The following PCNX1 variants were observed in gnomAD, a reference collection of about 807,000 sequenced individuals.
The protein encoded by PCNX1 is pecanex-like protein 1.
Under a neutral mutation model 242.2 loss-of-function variants are expected in PCNX1, and 78 were observed. The observed-to-expected ratio is 0.32, with a 90% CI of 0.27 to 0.39. The LOEUF (loss-of-function observed/expected upper bound fraction) is 0.39. PCNX1 is among the 10% of genes least tolerant of loss of function. The pLI, the probability that PCNX1 is intolerant of heterozygous loss-of-function variation, is 1.00. For missense variants in PCNX1, 2,581 were observed against 2,856.5 expected (o/e 0.90, Z 2.20); for synonymous variants, 1,024 against 1,032.9 (o/e 0.99, Z 0.17).
At position 71,046,044 on chromosome 14, in the gene PCNX1, C is replaced by CT. The variant is rs1032029916; in HGVS notation, c.4018+770dup. Among the ~76,000 whole-genome samples, 7 of 151,330 alleles carry CT rather than the reference C, an allele frequency of 4.6e-5. No individual in the cohort carries two copies. The East Asian group carries it at 9.7e-4, about 21-fold the overall frequency. ...TAAATAAGCCAACTTTTTTCTCACA[C>CT]TTTTTTTTTCAGTTAGCTAATTACT... On this transcript the variant is annotated intron_variant, in intron 20 of 35. Coordinates refer to ENST00000304743, the MANE Select transcript of PCNX1 (RefSeq NM_014982.3).
At chr14:71,048,284 T>G (rs1193014633) in intron 22 of PCNX1, among the ~76,000 whole-genome samples, 4 of 152,162 alleles carry the variant, frequency 2.6e-5, no homozygotes, top group Non-Finnish European at 5.9e-5. Flanking sequence ...TTGAATAATT[T>G]TAGAAACAGA....
chr14:71,071,422 A>G (rs1392728781), intron 26 of PCNX1, among the ~76,000 whole-genome samples: 3 of 152,128 alleles, frequency 2.0e-5, no homozygotes, highest in Non-Finnish European at 2.9e-5. Context: ...CTCATGTTGA[A>G]TTGTAATACC....
At chr14:71,033,025 G>A (rs1217017335) in intron 16 of PCNX1, among the ~76,000 whole-genome samples, 1 of 152,172 alleles carries the variant, frequency 6.6e-6, no homozygotes, top group East Asian at 1.9e-4. Flanking sequence ...ATCATGTGTT[G>A]TCTTTTCCTA....
Position 71,103,897 on chromosome 14 carries a change from T to C in PCNX1, c.6095+228T>C, listed in dbSNP as rs541724268. Among the ~76,000 whole-genome samples the C allele has an allele frequency of 3.3e-5, 5 of 152,388 alleles. No homozygotes were observed. The South Asian group carries it at 1.0e-3, about 32-fold the overall frequency. ...TAAGAACCATTGCTCCATTACTTGG[T>C]AGAATCTTGGAAAATTCCCTTTATT... On this transcript the variant is annotated intron_variant, in intron 32 of 35. Coordinates refer to ENST00000304743, the MANE Select transcript of PCNX1 (RefSeq NM_014982.3).
chr14:70,946,258 C>G (rs921352338), intron 1 of PCNX1, among the ~76,000 whole-genome samples: 3 of 152,188 alleles, frequency 2.0e-5, no homozygotes, highest in African/African-American at 7.2e-5. Flanking sequence ...CCATATCTTA[C>G]CTGGTTTTAC....
chr14:71,033,789 C>T, intron 17 of PCNX1, 142 bp from the exon 18 acceptor site: 2 of 626,836 alleles, frequency 3.2e-6, no homozygotes, highest in Non-Finnish European at 5.7e-6. Context: ...TTATGGTATC[C>T]TAAACATTTT....
intron 18 of PCNX1, among the ~76,000 whole-genome samples, chr14:71,034,621 T>C (rs1256863314): frequency 1.3e-5 from 2 of 152,190 alleles, no homozygotes; most frequent in East Asian, 1.9e-4. Context: ...TTCTGTAAAA[T>C]TGTGTCTATT....
chr14:70,964,260 G>A (rs1010201883), intron 3 of PCNX1, among the ~76,000 whole-genome samples: 1 of 151,912 alleles, frequency 6.6e-6, no homozygotes, highest in Non-Finnish European at 1.5e-5. Flanking sequence ...GTAGAGATGG[G>A]GTTCACCATG....
chr14:71,079,953 A>G lies in PCNX1; in HGVS notation c.5337+3534A>G, dbSNP rs571381299. Among the ~76,000 whole-genome samples, 8 of 152,276 alleles carry G rather than the reference A, an allele frequency of 5.3e-5. No homozygotes were observed. The South Asian group carries it at 8.3e-4, about 16-fold the overall frequency. On this transcript the variant is annotated intron_variant, in intron 28 of 35. Transcript: ENST00000304743. The stretch of plus-strand genomic sequence containing the variant: ...AGTCATGAAGTCTTTGCCTATGCCT[A>G]TGTCCTGAATGGTATTGCCTAGGTT...
chr14:71,031,823 G>A, intron 16 of PCNX1: 1 of 1,490,148 alleles, frequency 6.7e-7, no homozygotes, highest in Non-Finnish European at 9.4e-7. Flanking sequence ...GCGAGGAGAG[G>A]GATGGTGGCA....
chr14:71,085,871 T>TC (rs1313104217), intron 28 of PCNX1: 1 of 263,872 alleles, frequency 3.8e-6, no homozygotes, highest in Non-Finnish European at 7.8e-6. Context: ...TCTGGATTAC[T>TC]CCAAGACTCT....
At chr14:71,004,289 A>G (rs978491078) in intron 8 of PCNX1, among the ~76,000 whole-genome samples, 1 of 152,186 alleles carries the variant, frequency 6.6e-6, no homozygotes, top group Non-Finnish European at 1.5e-5. Flanking sequence ...CCATTAACCC[A>G]GGGGTCCCCA....
At chr14:70,979,069 A>G (rs1287562265) in intron 6 of PCNX1, among the ~76,000 whole-genome samples, 4 of 152,224 alleles carry the variant, frequency 2.6e-5, no homozygotes, top group African/African-American at 4.8e-5. Context: ...TAGATCACTC[A>G]GCCTATTATA....
rs562406972 is a variant in PCNX1 at position 71,102,068 on chromosome 14, G to A, written c.5668G>A (p.Val1890Ile). The change falls in exon 31 of 36, where the codon GTA becomes ATA. Residue 1890 changes from valine to isoleucine, a missense_variant. Coordinates refer to ENST00000304743, the MANE Select transcript of PCNX1 (RefSeq NM_014982.3). ...EAIVSHEKNL[V>I]IAHEGDPAWR... Reference sequence around the variant, plus strand: ...CATAGTATCTCATGAGAAGAACCTCGTAATAGCCCATGAAGGGGACCCTGC... The same window carrying A: ...CATAGTATCTCATGAGAAGAACCTCATAATAGCCCATGAAGGGGACCCTGC... 4.3e-5 allele frequency: 70 copies of A among 1,613,808 alleles called. No homozygotes were observed. The East Asian group carries it at 9.4e-4, about 22-fold the overall frequency.
chr14:71,068,172 C>G (rs1566769432), intron 26 of PCNX1, among the ~76,000 whole-genome samples: 1 of 149,874 alleles, frequency 6.7e-6, no homozygotes, highest in East Asian at 2.0e-4. Flanking sequence ...ACTAAAAATA[C>G]AAAAAAAAAT....
intron 1 of PCNX1, among the ~76,000 whole-genome samples, chr14:70,908,683 C>A (rs2139969179): frequency 6.6e-6 from 1 of 151,996 alleles, no homozygotes; most frequent in East Asian, 1.9e-4. Context: ...TGGCCGGTGG[C>A]CGTGGTGCTT....
chr14:71,050,822 T>C, intron 23 of PCNX1, 62 bp downstream of exon 23: 1 of 1,450,968 alleles, frequency 6.9e-7, no homozygotes, highest in Non-Finnish European at 9.5e-7. Context: ...GAATGTTGGT[T>C]TATAGGCATG....
intron 8 of PCNX1, among the ~76,000 whole-genome samples, chr14:71,001,536 G>T (rs1412368203): frequency 1.3e-5 from 2 of 152,088 alleles, no homozygotes; most frequent in Non-Finnish European, 2.9e-5. Flanking sequence ...AATAGTTTTG[G>T]GTGCCTGAAC....
chr14:70,949,265 GTA>G (rs1321200845), intron 2 of PCNX1, among the ~76,000 whole-genome samples: 42 of 23,380 alleles, frequency 1.8e-3, no homozygotes, highest in Middle Eastern at 0.017. Flanking sequence ...ACACACACGT[GTA>G]TGCACACACG....
Sources: allele counts gnomAD v4.1 joint callset (sites outside exome capture counted in the v4.1 genomes callset), GRCh38; gene constraint gnomAD v4.1.1; transcripts MANE v1.5; gene names NCBI Gene and HGNC (gene_info 2026-07-23, HGNC 2026-07-21).